NAP1L1: variants seen among roughly 807,000 people sequenced by gnomAD.
The protein encoded by NAP1L1 is nucleosome assembly protein 1-like 1.
A neutral mutation model predicts 58.9 loss-of-function variants in NAP1L1; 9 were observed. The observed-to-expected ratio is 0.15, with a 90% confidence interval of 0.09 to 0.27. NAP1L1 has a LOEUF of 0.27. Among genes scored for constraint, NAP1L1 ranks in the 10% least tolerant of loss-of-function variants. The probability of loss-of-function intolerance (pLI) is 1.00; values close to 1 mark genes in which losing one functional copy is unlikely to be tolerated. For synonymous variants in NAP1L1, 130 were observed against 138.3 expected, an observed-to-expected ratio of 0.94 and a Z score of 0.42; for missense variants, 302 against 458.8, an observed-to-expected ratio of 0.66 and a Z score of 3.12.
In NAP1L1 at chr12:76,040,246, T is replaced by C. The variant is rs1948540207; in HGVS notation, c.*8183A>G. On this transcript the variant is annotated 3_prime_UTR_variant, in exon 15 of 15. Coordinates refer to ENST00000618691, the MANE Select transcript of NAP1L1 (RefSeq NM_004537.7). ...CCAGTCAGAAAAATTTTGCTTGTTTTAAGCCATTAAGTTTTGGAGGTTGTT... is the reference window on the plus strand; with the variant it reads ...CCAGTCAGAAAAATTTTGCTTGTTTCAAGCCATTAAGTTTTGGAGGTTGTT... 6.6e-6 allele frequency: 1 copy of C among 152,202 alleles called. No individual in the cohort carries two copies. Among genetic ancestry groups the C allele is most frequent in the African/African-American group, 2.4e-5 (1 of 41,454 alleles). The allele number at this position is 152,202 out of a possible 1,614,324, so 9.4% of individuals were successfully genotyped here.
chr12:76,062,968 A>G (rs1949486558), intron 4 of NAP1L1, among the ~76,000 whole-genome samples: 1 of 152,108 alleles, frequency 6.6e-6, no homozygotes, highest in African/African-American at 2.4e-5. Flanking sequence ...TAAAAGAAAC[A>G]CTGAAATAAA....
At chr12:76,060,665 T>C (rs773423154) in intron 4 of NAP1L1, among the ~76,000 whole-genome samples, 6 of 152,182 alleles carry the variant, frequency 3.9e-5, no homozygotes, top group African/African-American at 9.7e-5. Flanking sequence ...GAGGGGAGCA[T>C]AGACATATCA....
rs1948529897 is a variant in NAP1L1, at chr12:76,039,399, AGAACCAT to A, written c.*9023_*9029del. ...AAAAAGTAGAATGAAAGTCTGCCTG[AGAACCAT>A]GAAGCTCCCATATCAGTCCCAGAGT... On this transcript the variant is annotated 3_prime_UTR_variant, in exon 15 of 15. Coordinates refer to ENST00000618691, the MANE Select transcript of NAP1L1 (RefSeq NM_004537.7). 1 of 152,296 alleles carries A rather than the reference AGAACCAT, an allele frequency of 6.6e-6. No homozygotes were observed. Among genetic ancestry groups the A allele is most frequent in the South Asian group, 2.1e-4 (1 of 4,832 alleles). 9.4% of individuals were successfully genotyped at this position (152,296 alleles called of 1,614,324 possible).
chr12:76,075,879 C>G (rs1173112371), intron 1 of NAP1L1, among the ~76,000 whole-genome samples: 1 of 152,168 alleles, frequency 6.6e-6, no homozygotes, highest in East Asian at 1.9e-4. Context: ...ACATGTCCAT[C>G]TCAGCCAGGC....
At chr12:76,049,536 A>C in intron 13 of NAP1L1, 1 of 1,534,772 alleles carries the variant, frequency 6.5e-7, no homozygotes, top group East Asian at 2.4e-5. Context: ...CTGCAGCAGA[A>C]CAAAATTATT....
chr12:76,072,723 G>C (rs1379134316), intron 2 of NAP1L1, among the ~76,000 whole-genome samples: 1 of 152,132 alleles, frequency 6.6e-6, no homozygotes, highest in Non-Finnish European at 1.5e-5. Context: ...TAGTTACAAT[G>C]ACTCTGAACT....
At chr12:76,063,068 T>C (rs1392371697) in intron 4 of NAP1L1, among the ~76,000 whole-genome samples, 1 of 152,208 alleles carries the variant, frequency 6.6e-6, no homozygotes, top group Non-Finnish European at 1.5e-5. Flanking sequence ...ACAAAAATTA[T>C]ATCAGGTATA....
intron 2 of NAP1L1, among the ~76,000 whole-genome samples, chr12:76,072,880 A>T (rs1321015748): frequency 6.6e-6 from 1 of 152,198 alleles, no homozygotes; most frequent in African/African-American, 2.4e-5. Context: ...GTCTTAAAAT[A>T]ATTTAGCTCC....
Position 76,049,476 on chromosome 12 carries a change from C to T in NAP1L1, c.1090-226G>A, listed in dbSNP as rs116790561. Reference sequence around the variant, plus strand: ...TATTGAAAATAGTTACTGCAGCCAACGTTGGAAAAGTTTACTGCAGCTTTT... The same window carrying T: ...TATTGAAAATAGTTACTGCAGCCAATGTTGGAAAAGTTTACTGCAGCTTTT... On this transcript the variant is annotated intron_variant, in intron 13 of 14. Transcript: ENST00000618691. The T allele has an allele frequency of 3.5e-4, 542 of 1,535,584 alleles. No individual in the cohort carries two copies. The African/African-American group carries it at 6.6e-3, about 19-fold the overall frequency.
intron 1 of NAP1L1, among the ~76,000 whole-genome samples, chr12:76,081,726 T>C (rs1283727278): frequency 6.6e-6 from 1 of 152,218 alleles, no homozygotes; most frequent in African/African-American, 2.4e-5. Context: ...ACTAATGTAC[T>C]CTAATGTTCT....
At chr12:76,053,475 A>T in intron 9 of NAP1L1, 125 bp from the exon 10 acceptor site, 1 of 1,143,226 alleles carries the variant, frequency 8.7e-7, no homozygotes, top group Non-Finnish European at 1.2e-6. Context: ...TGTTTTCTAT[A>T]GCAGTATAAA....
rs79899707 is a variant in NAP1L1 at position 76,046,868 on chromosome 12, T to A, written c.*1561A>T. On this transcript the variant is annotated 3_prime_UTR_variant, in exon 15 of 15. Transcript: ENST00000618691. Reference sequence around the variant, plus strand: ...ATTTAATGGCATCTTTTGTCAAAAATAGTCTTATTTCCACTTTAAGTCTCA... The same window carrying A: ...ATTTAATGGCATCTTTTGTCAAAAAAAGTCTTATTTCCACTTTAAGTCTCA... 2 of 152,626 alleles carry A rather than the reference T, an allele frequency of 1.3e-5. No individual in the cohort carries two copies. The highest frequency in any genetic ancestry group is 3.9e-4 in the East Asian group (2 of 5,188). 9.5% of individuals were successfully genotyped at this position (152,626 alleles called of 1,614,324 possible).
chr12:76,050,525 G>A lies in NAP1L1; in HGVS notation c.1059+6C>T, dbSNP rs145239491. ...TTATTTCTTTGCAGGATTCAAATTC[G>A]CTTACATCATCATCATCATCTTCAA... is the stretch of plus-strand genomic sequence containing the variant. On this transcript the variant is annotated splice_donor_region_variant and intron_variant, in intron 12 of 14. Coordinates refer to ENST00000618691, the MANE Select transcript of NAP1L1 (RefSeq NM_004537.7). 2.9e-5 allele frequency: 46 copies of A among 1,600,266 alleles called. No homozygotes were observed. Among genetic ancestry groups the A allele is most frequent in the Non-Finnish European group, 3.4e-5 (40 of 1,175,892 alleles).
chr12:76,058,903 A>C lies in NAP1L1; in HGVS notation c.429+895T>G, dbSNP rs1169307731. On this transcript the variant is annotated intron_variant, in intron 6 of 14. Coordinates refer to ENST00000618691, the MANE Select transcript of NAP1L1 (RefSeq NM_004537.7). ...GGTTGAATTTGCTTTGCTGTTATCA[A>C]GTCCACCCTATGGGCACAATAACAT... Among the ~76,000 whole-genome samples the C allele has an allele frequency of 1.8e-4, 27 of 152,326 alleles. No individual in the cohort carries two copies. The East Asian group carries it at 5.2e-3, about 29-fold the overall frequency.
At chr12:76,062,134 C>T (rs1949444344) in intron 4 of NAP1L1, among the ~76,000 whole-genome samples, 1 of 152,176 alleles carries the variant, frequency 6.6e-6, no homozygotes, top group Non-Finnish European at 1.5e-5. Flanking sequence ...GTCATCTTCA[C>T]CCTTCACAAG....
At chr12:76,077,707 G>T (rs1950232960) in intron 1 of NAP1L1, among the ~76,000 whole-genome samples, 1 of 152,066 alleles carries the variant, frequency 6.6e-6, no homozygotes, top group Non-Finnish European at 1.5e-5. Context: ...AATATGGCCG[G>T]ACGCAGTGGC....
chr12:76,048,313 A>T lies in NAP1L1; in HGVS notation c.*116T>A. On this transcript the variant is annotated 3_prime_UTR_variant, in exon 15 of 15. Transcript: ENST00000618691. ...TTAAAATATCAGTTTCCTGTCCTTTAAAAAAAAATTACCTAGTCTACCAAG... is the reference window on the plus strand; with the variant it reads ...TTAAAATATCAGTTTCCTGTCCTTTTAAAAAAAATTACCTAGTCTACCAAG... 8.7e-6 allele frequency: 9 copies of T among 1,035,760 alleles called. No individual in the cohort carries two copies. The highest frequency in any genetic ancestry group is 1.3e-5 in the Non-Finnish European group (9 of 716,112). The allele number at this position is 1,035,760 out of a possible 1,614,324, so 64.2% of individuals were successfully genotyped here.
rs1390541697 is a variant in NAP1L1, at chr12:76,043,850, A to C, written c.*4579T>G. The C allele has an allele frequency of 6.6e-6, 1 of 152,234 alleles. No homozygotes were observed. The highest frequency in any genetic ancestry group is 2.4e-5 in the African/African-American group (1 of 41,462). 9.4% of individuals were successfully genotyped at this position (152,234 alleles called of 1,614,324 possible). The stretch of plus-strand genomic sequence containing the variant: ...ATTTTACAACCTCATGAAATTTACC[A>C]GAGCCGCAATTGCCTAATACATTAT... On this transcript the variant is annotated 3_prime_UTR_variant, in exon 15 of 15. Transcript: ENST00000618691.
At chr12:76,069,252 G>A (rs1949836045) in intron 2 of NAP1L1, among the ~76,000 whole-genome samples, 1 of 152,046 alleles carries the variant, frequency 6.6e-6, no homozygotes, top group Non-Finnish European at 1.5e-5. Context: ...CAGGTTTTTG[G>A]GGAATGTGAT....
Sources: gnomAD v4.1 joint callset for allele counts (sites outside exome capture counted in the v4.1 genomes callset) on GRCh38, gnomAD v4.1.1 for gene constraint, MANE v1.5 for transcripts, NCBI Gene and HGNC (gene_info 2026-07-23, HGNC 2026-07-21) for gene names.